The following GAK variants were observed in gnomAD, a reference collection of about 807,000 sequenced individuals.
GAK encodes cyclin-G-associated kinase.
Under a neutral mutation model 143.9 loss-of-function variants are expected in GAK, and 79 were observed. That is an observed-to-expected ratio of 0.55 (90% CI 0.46 to 0.66). The LOEUF is 0.66. Among genes scored for constraint, GAK ranks in the 30% least tolerant of loss-of-function variants. The pLI, the probability that GAK is intolerant of heterozygous loss-of-function variation, is 0.00. For synonymous variants in GAK, 881 were observed against 765.5 expected (o/e 1.15, Z -2.49); for missense variants, 1,693 against 1,779.7 (o/e 0.95, Z 0.88).
At chr4:888,639 C>T (rs778958211) in intron 11 of GAK, 7 of 596,712 alleles carry the variant, frequency 1.2e-5, no homozygotes, top group Middle Eastern at 4.6e-4. Flanking sequence ...GCCCCCCAGG[C>T]GATGAAAGGA....
intron 26 of GAK, chr4:850,349 G>A (rs888866867): frequency 3.2e-5 from 12 of 377,300 alleles, no homozygotes; most frequent in African/African-American, 2.5e-4. Flanking sequence ...TTCTGGTGGT[G>A]CAACCCCTTG....
At chr4:882,853 G>T (rs373197340) in intron 13 of GAK, 34 bp from the exon 14 acceptor site, 1 of 1,598,244 alleles carries the variant, frequency 6.3e-7, no homozygotes, top group Non-Finnish European at 8.5e-7. Context: ...ACGGACGGCA[G>T]AGGAGCCCCG....
At chr4:916,226 C>A (rs778475699) in intron 1 of GAK, among the ~76,000 whole-genome samples, 1 of 152,182 alleles carries the variant, frequency 6.6e-6, no homozygotes, top group Admixed American at 6.5e-5. Flanking sequence ...TAAAGGACTT[C>A]TATCGAGAAA....
At chr4:878,757 C>A (rs1306508145) in intron 15 of GAK, among the ~76,000 whole-genome samples, 1 of 152,214 alleles carries the variant, frequency 6.6e-6, no homozygotes, top group Non-Finnish European at 1.5e-5. Context: ...CTGGCTTTCC[C>A]GTGGCTGGCG....
intron 27 of GAK, 56 bp downstream of exon 27, chr4:849,836 C>A: frequency 6.4e-6 from 6 of 944,732 alleles, no homozygotes; most frequent in Non-Finnish European, 7.5e-6. Context: ...GGGGCAGGAC[C>A]CCCCCCCCGC....
chr4:911,366 A>C (rs1229508691), intron 4 of GAK, among the ~76,000 whole-genome samples: 2 of 152,182 alleles, frequency 1.3e-5, no homozygotes, highest in African/African-American at 4.8e-5. Flanking sequence ...CACTCACGGA[A>C]GGCCACCACG....
chr4:876,928 A>G (rs1345405609), intron 17 of GAK, among the ~76,000 whole-genome samples, 162 bp downstream of exon 17: 4 of 152,226 alleles, frequency 2.6e-5, no homozygotes, highest in Non-Finnish European at 5.9e-5. Flanking sequence ...GCACGGGGCA[A>G]GCAGGGGGCG....
intron 5 of GAK, among the ~76,000 whole-genome samples, chr4:902,232 G>A (rs1273768925): frequency 1.4e-5 from 2 of 142,180 alleles, no homozygotes; most frequent in Non-Finnish European, 3.1e-5. Flanking sequence ...GCAAGACTCC[G>A]CCTAAAAAAA....
intron 17 of GAK, 98 bp downstream of exon 17, chr4:876,992 C>A: frequency 1.2e-6 from 1 of 831,906 alleles, no homozygotes; most frequent in Middle Eastern, 3.0e-4. Context: ...CAGCGAGCAC[C>A]CTGGACCCTC....
Position 896,350 on chromosome 4 carries a change from G to C in GAK, c.741+110C>G. On this transcript the variant is annotated intron_variant, in intron 7 of 27. Coordinates refer to ENST00000314167, the MANE Select transcript of GAK (RefSeq NM_005255.4). ...GAAAAGGGGACGGGAGGGGAAGAGG[G>C]GGTGGAGGAGGCAGGCCAGTTCCGA... 6 of 764,774 alleles carry C rather than the reference G, an allele frequency of 7.8e-6. No individual in the cohort carries two copies. In the South Asian group the frequency reaches 8.5e-5, roughly 11 times the overall value. 47.4% of individuals were successfully genotyped at this position (764,774 alleles called of 1,614,324 possible). A position where few individuals can be genotyped will look rare whatever the true frequency, so the allele number is the denominator to read the frequency against.
intron 10 of GAK, among the ~76,000 whole-genome samples, chr4:889,422 G>A (rs1434214318): frequency 2.0e-5 from 3 of 151,428 alleles, no homozygotes; most frequent in East Asian, 2.0e-4. Context: ...CTTCACAGGC[G>A]GCTTTGGTGG....
chr4:878,129 GCCTGTAAT>G (rs112905319), intron 15 of GAK, among the ~76,000 whole-genome samples: 5,525 of 152,172 alleles, frequency 0.036, 181 homozygotes, highest in East Asian at 0.19. Context: ...GGTGGCTCAC[GCCTGTAAT>G]CCTAGCACTT....
chr4:852,239 A>G, intron 24 of GAK: 1 of 546,090 alleles, frequency 1.8e-6, no homozygotes, highest in Non-Finnish European at 3.3e-6. Context: ...GCAGCACCCC[A>G]CCCCCAGGAG....
chr4:870,628 T>G, intron 19 of GAK, 83 bp downstream of exon 19: 1 of 1,453,030 alleles, frequency 6.9e-7, no homozygotes, highest in Non-Finnish European at 9.5e-7. Flanking sequence ...GGCCCAGCCC[T>G]GCCAGAGCTC....
At chr4:924,012 C>T (rs1172205565) in intron 1 of GAK, among the ~76,000 whole-genome samples, 1 of 151,582 alleles carries the variant, frequency 6.6e-6, no homozygotes, top group Non-Finnish European at 1.5e-5. Flanking sequence ...TAGTGACACC[C>T]CATTTCTACT....
intron 25 of GAK, 160 bp downstream of exon 25, chr4:851,590 C>G: frequency 1.4e-6 from 1 of 691,926 alleles, no homozygotes; most frequent in Non-Finnish European, 2.5e-6. Context: ...CAGAGAGAGA[C>G]CAGTGAACAC....
At chr4:878,006 T>G (rs1160533730) in intron 15 of GAK, among the ~76,000 whole-genome samples, 197 bp from the exon 16 acceptor site, 1 of 152,216 alleles carries the variant, frequency 6.6e-6, no homozygotes, top group African/African-American at 2.4e-5. Context: ...TATGTATTTT[T>G]AAGACAGAGT....
intron 4 of GAK, among the ~76,000 whole-genome samples, chr4:908,938 C>T (rs1721551991): frequency 6.6e-6 from 1 of 152,210 alleles, no homozygotes; most frequent in African/African-American, 2.4e-5. Context: ...CTCCCAGGTT[C>T]AAGCAACTCT....
Position 851,896 on chromosome 4 carries a change from G to A in GAK, c.3362C>T (p.Thr1121Ile). The change falls in exon 25 of 28, where the codon ACA (threonine) becomes ATA (isoleucine). Residue 1121 changes from threonine to isoleucine, a missense_variant. Physicochemically the swap from Thr to Ile is moderately conservative, Grantham distance 89 (BLOSUM62 -1). Transcript: ENST00000314167. ...TTPKGSSSWQ[T>I]SRPPAQGASW... ...GGCGCCCTGGGCTGGCGGCCGACTT[G>A]TCTGCCAGGAGCTGCTGCCTTTGGG... 1 of 1,612,040 alleles carries A rather than the reference G, an allele frequency of 6.2e-7. No individual in the cohort carries two copies. The highest frequency in any genetic ancestry group is 8.5e-7 in the Non-Finnish European group (1 of 1,178,590).
Sources: allele counts gnomAD v4.1 joint callset (sites outside exome capture counted in the v4.1 genomes callset), GRCh38; gene constraint gnomAD v4.1.1; transcripts MANE v1.5; gene names NCBI Gene and HGNC (gene_info 2026-07-23, HGNC 2026-07-21).